Variants in FRMD4B observed in about 807,000 individuals in gnomAD.
FRMD4B encodes FERM domain-containing protein 4B.
Under a neutral mutation model 141.5 loss-of-function variants are expected in FRMD4B, and 74 were observed. That is an observed-to-expected ratio of 0.52 (90% CI 0.43 to 0.63). The LOEUF is 0.63. FRMD4B is among the 30% of genes least tolerant of loss of function. The pLI is 0.00. For synonymous variants in FRMD4B, 506 were observed against 467.9 expected (o/e 1.08, Z -1.05); for missense variants, 1,366 against 1,253.4 (o/e 1.09, Z -1.36).
chr3:69,355,003 T>C lies in FRMD4B; in HGVS notation c.162+30825A>G, dbSNP rs144151317. On this transcript the variant is annotated intron_variant, in intron 1 of 22. Coordinates refer to ENST00000398540, the MANE Select transcript of FRMD4B (RefSeq NM_015123.3). ...ACTTAAACATTATTTCATGCACATA[T>C]ACTTGTAGGATAAATGGAAAAAGGA... Among the ~76,000 whole-genome samples, 624 of 148,354 alleles carry C rather than the reference T, an allele frequency of 4.2e-3. 3 individuals are homozygous for C. Among genetic ancestry groups the C allele is most frequent in the African/African-American group, 0.014 (557 of 38,832 alleles).
chr3:69,240,877 G>A (rs752331904), intron 7 of FRMD4B, among the ~76,000 whole-genome samples: 18 of 152,190 alleles, frequency 1.2e-4, no homozygotes, highest in South Asian at 8.3e-4. Flanking sequence ...TGTAGACTCT[G>A]GATGGTTTGC....
At chr3:69,373,778 C>T (rs940506256) in intron 1 of FRMD4B, among the ~76,000 whole-genome samples, 7 of 152,016 alleles carry the variant, frequency 4.6e-5, no homozygotes, top group African/African-American at 1.2e-4. Flanking sequence ...GAGGCTAAGG[C>T]GAGAGGATCA....
intron 1 of FRMD4B, among the ~76,000 whole-genome samples, chr3:69,331,139 C>T (rs999986622): frequency 3.9e-5 from 6 of 152,198 alleles, no homozygotes; most frequent in Non-Finnish European, 8.8e-5. Flanking sequence ...TAGACTTCCT[C>T]TTAAACAGTA....
At chr3:69,440,830 T>C (rs994403916) in intron 1 of FRMD4B, among the ~76,000 whole-genome samples, 1 of 152,192 alleles carries the variant, frequency 6.6e-6, no homozygotes, top group Non-Finnish European at 1.5e-5. Context: ...TCTTGAATAC[T>C]TACATTTGCA....
chr3:69,463,735 C>T (rs1456652134), intron 1 of FRMD4B, among the ~76,000 whole-genome samples: 1 of 152,168 alleles, frequency 6.6e-6, no homozygotes, highest in Non-Finnish European at 1.5e-5. Context: ...AAGAGAAACT[C>T]CCTATTAGTA....
intron 1 of FRMD4B, among the ~76,000 whole-genome samples, chr3:69,365,508 T>TTGTTTTG (rs1553730866): frequency 0.044 from 6,289 of 143,524 alleles, 285 homozygotes; most frequent in African/African-American, 0.12. Flanking sequence ...AACCTTTGTT[T>TTGTTTTG]TTTTTCTTTT....
chr3:69,205,140 C>A (rs1442562345), intron 11 of FRMD4B, among the ~76,000 whole-genome samples: 1 of 149,386 alleles, frequency 6.7e-6, no homozygotes, highest in Non-Finnish European at 1.5e-5. Context: ...ATTACAGCAG[C>A]CATTTGCGGG....
Position 69,194,928 on chromosome 3 carries a change from G to A in FRMD4B, c.1488+94C>T, listed in dbSNP as rs2092883894. ...ATCTGTACTGGTGAGATAACATACA[G>A]CAGAGACTCAAAAACCAAAGGAAAA... On this transcript the variant is annotated intron_variant, in intron 16 of 22. Transcript: ENST00000398540. The A allele has an allele frequency of 5.3e-6, 6 of 1,136,262 alleles. No homozygotes were observed. In the South Asian group the frequency reaches 7.3e-5, roughly 14 times the overall value. 70.4% of individuals were successfully genotyped at this position (1,136,262 alleles called of 1,614,324 possible).
intron 2 of FRMD4B, among the ~76,000 whole-genome samples, chr3:69,398,323 A>G (rs1199967430): frequency 6.6e-6 from 1 of 152,206 alleles, no homozygotes; most frequent in Non-Finnish European, 1.5e-5. Flanking sequence ...GTGATGTTTC[A>G]ATACTTACAA....
intron 17 of FRMD4B, among the ~76,000 whole-genome samples, chr3:69,191,112 G>T (rs1358188472): frequency 6.6e-6 from 1 of 152,142 alleles, no homozygotes; most frequent in Non-Finnish European, 1.5e-5. Flanking sequence ...TCTATTGCTG[G>T]TATCCATCAA....
chr3:69,175,892 T>G (rs1023780750), intron 22 of FRMD4B, among the ~76,000 whole-genome samples: 2 of 151,378 alleles, frequency 1.3e-5, no homozygotes, highest in African/African-American at 4.9e-5. Context: ...GCCATTCTCC[T>G]GCTTCAGCCT....
intron 4 of FRMD4B, among the ~76,000 whole-genome samples, chr3:69,290,837 G>A (rs1213766341): frequency 6.6e-6 from 1 of 152,178 alleles, no homozygotes; most frequent in African/African-American, 2.4e-5. Flanking sequence ...CTGGGACAAT[G>A]ACTTTGACTC....
At chr3:69,447,830 T>C (rs1474891386) in intron 1 of FRMD4B, among the ~76,000 whole-genome samples, 3 of 152,240 alleles carry the variant, frequency 2.0e-5, no homozygotes, top group Non-Finnish European at 4.4e-5. Context: ...CCTTTTGGTT[T>C]GCATGATGTT....
chr3:69,181,193 A>C lies in FRMD4B; in HGVS notation c.2557T>G (p.Tyr853Asp). ...TCATCTTCGTGAAAGGATCTGCTGT[A>C]GTCCCTCTGGCGCTCATATCCATAG... ...AHYGYERQRD[Y>D]SRSFHEDEVD... The change falls in exon 21 of 23, where the codon TAC (tyrosine) becomes GAC (aspartate). Residue 853 changes from tyrosine to aspartate, a missense_variant. Transcript: ENST00000398540. 1 of 1,614,004 alleles carries C rather than the reference A, an allele frequency of 6.2e-7. No homozygotes were observed. The highest frequency in any genetic ancestry group is 2.2e-5 in the East Asian group (1 of 44,886).
At chr3:69,530,354 A>G (rs1700993260) in intron 1 of FRMD4B, among the ~76,000 whole-genome samples, 1 of 152,180 alleles carries the variant, frequency 6.6e-6, no homozygotes, top group Non-Finnish European at 1.5e-5. Context: ...TTCTCACTCT[A>G]TTGGTTTTCA....
At chr3:69,429,847 C>T (rs1705148080) in intron 2 of FRMD4B, among the ~76,000 whole-genome samples, 1 of 150,872 alleles carries the variant, frequency 6.6e-6, no homozygotes, top group Non-Finnish European at 1.5e-5. Flanking sequence ...GCAACTTCTG[C>T]CTCCTGAATT....
intron 2 of FRMD4B, among the ~76,000 whole-genome samples, chr3:69,412,555 C>T (rs1046482138): frequency 6.6e-6 from 1 of 152,186 alleles, no homozygotes; most frequent in Non-Finnish European, 1.5e-5. Flanking sequence ...GCTCAAAGTT[C>T]TTCCCTGTAG....
At chr3:69,520,029 A>T (rs1441393452) in intron 1 of FRMD4B, among the ~76,000 whole-genome samples, 2 of 96,222 alleles carry the variant, frequency 2.1e-5, no homozygotes, top group Non-Finnish European at 3.7e-5. Context: ...TATATATTCC[A>T]TCATATATAT....
chr3:69,216,732 T>C (rs1002843677), intron 10 of FRMD4B, among the ~76,000 whole-genome samples: 1 of 151,990 alleles, frequency 6.6e-6, no homozygotes, highest in African/African-American at 2.4e-5. Flanking sequence ...ACCTGGCAAT[T>C]TCACCTCTTA....
Sources: gnomAD v4.1 joint callset for allele counts (sites outside exome capture counted in the v4.1 genomes callset) on GRCh38, gnomAD v4.1.1 for gene constraint, MANE v1.5 for transcripts, NCBI Gene and HGNC (gene_info 2026-07-23, HGNC 2026-07-21) for gene names.